The following TRPM6 variants were observed in gnomAD, a reference collection of about 807,000 sequenced individuals.
TRPM6 encodes the protein transient receptor potential cation channel subfamily M member 6.
TRPM6 carries 111 observed loss-of-function variants against 247.6 expected under a neutral mutation model. The ratio of observed to expected loss-of-function variants is 0.45; its 90% confidence interval spans 0.38 to 0.52. The LOEUF is 0.52. TRPM6 is among the 20% of genes least tolerant of loss of function. TRPM6 has a pLI of 0.00. For missense variants in TRPM6, 2,126 were observed against 2,421.5 expected, an observed-to-expected ratio of 0.88 and a Z score of 2.56; for synonymous variants, 892 against 853.8, an observed-to-expected ratio of 1.04 and a Z score of -0.78.
chr9:74,748,536 A>T (rs1176200852), intron 30 of TRPM6, among the ~76,000 whole-genome samples: 1 of 152,146 alleles, frequency 6.6e-6, no homozygotes, highest in Non-Finnish European at 1.5e-5. Flanking sequence ...GATATTGATG[A>T]TCCTGATCCT....
chr9:74,738,390 C>A lies in TRPM6; in HGVS notation c.5776+17G>T. ...TTGCCTCATGCTTGTTGTATCAAAT[C>A]CTACATCATCAATCACCTTGCAAAT... On this transcript the variant is annotated intron_variant, in intron 36 of 38. Coordinates refer to ENST00000360774, the MANE Select transcript of TRPM6 (RefSeq NM_017662.5). The A allele has an allele frequency of 6.2e-7, 1 of 1,613,014 alleles. No individual in the cohort carries two copies. The highest frequency in any genetic ancestry group is 8.5e-7 in the Non-Finnish European group (1 of 1,179,604).
At chr9:74,727,736 A>G (rs955330243) in intron 38 of TRPM6, among the ~76,000 whole-genome samples, 3 of 152,166 alleles carry the variant, frequency 2.0e-5, no homozygotes, top group Admixed American at 6.5e-5. Context: ...ATCAGATTTA[A>G]AAAAATATAT....
Position 74,827,910 on chromosome 9 carries a change from T to C in TRPM6, c.709A>G (p.Lys237Glu). The C allele has an allele frequency of 1.9e-6, 3 of 1,614,060 alleles. No individual in the cohort carries two copies. The highest frequency in any genetic ancestry group is 2.5e-6 in the Non-Finnish European group (3 of 1,180,012). Reference sequence around the variant, plus strand: ...TGCATGCTGTTGAGTGTTGTGAGCTTGCTGAGGGGGTTATCCAGAGTCTGG... The same window carrying C: ...TGCATGCTGTTGAGTGTTGTGAGCTCGCTGAGGGGGTTATCCAGAGTCTGG... Reference protein sequence around the residue: ...LYQTLDNPLSKLTTLNSMHSH... With the variant: ...LYQTLDNPLSELTTLNSMHSH... The change falls in exon 7 of 39, where the codon AAG becomes GAG. Residue 237 changes from lysine (K) to glutamate (E), a missense_variant. Lys to Glu is a moderately conservative substitution (Grantham distance 56). Around this residue, in one of 3 missense-constraint regions of TRPM6, gnomAD observed 1,082 missense variants for 1,307.9 expected, o/e 0.83. Coordinates refer to ENST00000360774, the MANE Select transcript of TRPM6 (RefSeq NM_017662.5).
At chr9:74,755,318 G>A (rs1267142082) in intron 28 of TRPM6, 35 bp downstream of exon 28, 5 of 1,612,828 alleles carry the variant, frequency 3.1e-6, no homozygotes, top group Non-Finnish European at 4.2e-6. Flanking sequence ...ACCCCACCAG[G>A]GTTTTTGGGA....
intron 1 of TRPM6, among the ~76,000 whole-genome samples, chr9:74,877,268 C>T (rs1349461618): frequency 4.6e-5 from 7 of 152,150 alleles, no homozygotes; most frequent in African/African-American, 1.7e-4. Context: ...AACTTGTATA[C>T]AAATGTTCAT....
intron 1 of TRPM6, among the ~76,000 whole-genome samples, chr9:74,865,733 GTC>G (rs1816031947): frequency 6.6e-6 from 1 of 152,100 alleles, no homozygotes; most frequent in South Asian, 2.1e-4. Context: ...CTAAAATAAA[GTC>G]TTTTTTGGAG....
chr9:74,750,841 A>G (rs1284347514), intron 29 of TRPM6, 119 bp from the exon 30 acceptor site: 1 of 903,584 alleles, frequency 1.1e-6, no homozygotes, highest in African/African-American at 1.7e-5. Context: ...ATCTACCTGA[A>G]TATTCTTCTT....
At chr9:74,728,762 A>G (rs1825421121) in intron 37 of TRPM6, among the ~76,000 whole-genome samples, 1 of 152,212 alleles carries the variant, frequency 6.6e-6, no homozygotes, top group Non-Finnish European at 1.5e-5. Context: ...GCCTTCTAAA[A>G]CGATGCATAG....
Position 74,803,888 on chromosome 9 carries a change from T to C in TRPM6, c.1639-2A>G, listed in dbSNP as rs1390231550. ...ATTTCCTGAGGAGTGTCTCTGGTGC[T>C]GGGAAAGGTTTTGAACAAAGCTGGT... On this transcript the variant is annotated splice_acceptor_variant, in intron 14 of 38. Coordinates refer to ENST00000360774, the MANE Select transcript of TRPM6 (RefSeq NM_017662.5). LOFTEE classifies it high-confidence loss of function. 8 of 1,607,948 alleles carry C rather than the reference T, an allele frequency of 5.0e-6. No individual in the cohort carries two copies. Among genetic ancestry groups the C allele is most frequent in the African/African-American group, 1.3e-5 (1 of 74,708 alleles).
intron 36 of TRPM6, chr9:74,737,409 C>A (rs1440195942): frequency 7.8e-7 from 1 of 1,289,808 alleles, no homozygotes; most frequent in South Asian, 1.2e-5. Context: ...ATTCTCCAAC[C>A]TCCAAGCCTG....
chr9:74,728,172 C>T lies in TRPM6; in HGVS notation c.5935+67G>A, dbSNP rs543360142. On this transcript the variant is annotated intron_variant, in intron 38 of 38. Coordinates refer to ENST00000360774, the MANE Select transcript of TRPM6 (RefSeq NM_017662.5). ...TGTGATTACGATTTTCTACTTTATCCCAGGTTACAAAGGATGTTGTTCTAT... is the reference window on the plus strand; with the variant it reads ...TGTGATTACGATTTTCTACTTTATCTCAGGTTACAAAGGATGTTGTTCTAT... The T allele has an allele frequency of 5.1e-6, 6 of 1,178,718 alleles. No individual in the cohort carries two copies. The African/African-American group carries it at 7.5e-5, about 15-fold the overall frequency. 73.0% of individuals were successfully genotyped at this position (1,178,718 alleles called of 1,614,324 possible).
At chr9:74,818,406 G>A (rs894273249) in intron 9 of TRPM6, among the ~76,000 whole-genome samples, 85 of 146,192 alleles carry the variant, frequency 5.8e-4, no homozygotes, top group African/African-American at 2.2e-3. Flanking sequence ...GGGTTCAAGC[G>A]ATTCTCCTGC....
intron 1 of TRPM6, among the ~76,000 whole-genome samples, chr9:74,879,189 T>C (rs1248242698): frequency 6.6e-6 from 1 of 151,566 alleles, no homozygotes; most frequent in Non-Finnish European, 1.5e-5. Flanking sequence ...ATACAAAATA[T>C]ATTAGAAAGC....
At chr9:74,822,885 A>C (rs1433738052) in intron 7 of TRPM6, among the ~76,000 whole-genome samples, 1 of 152,112 alleles carries the variant, frequency 6.6e-6, no homozygotes, top group Non-Finnish European at 1.5e-5. Context: ...ATATATGCAC[A>C]TACCTGTATG....
chr9:74,768,900 A>G (rs1564005230), intron 25 of TRPM6, among the ~76,000 whole-genome samples: 1 of 152,158 alleles, frequency 6.6e-6, no homozygotes, highest in Non-Finnish European at 1.5e-5. Flanking sequence ...ATCCCAGTTC[A>G]TAATCTTGGG....
chr9:74,825,448 CTCTT>C (rs1829298948), intron 7 of TRPM6, among the ~76,000 whole-genome samples: 1 of 137,026 alleles, frequency 7.3e-6, no homozygotes, highest in Non-Finnish European at 1.6e-5. Context: ...GGCATGTCTT[CTCTT>C]TCTTCCGTGT....
At chr9:74,836,637 T>G (rs1280931553) in intron 5 of TRPM6, among the ~76,000 whole-genome samples, 1 of 152,218 alleles carries the variant, frequency 6.6e-6, no homozygotes, top group Non-Finnish European at 1.5e-5. Context: ...AATTTGACCA[T>G]GTTATTCCCC....
chr9:74,738,314 G>T, intron 36 of TRPM6, 93 bp downstream of exon 36: 1 of 1,321,992 alleles, frequency 7.6e-7, no homozygotes, highest in Non-Finnish European at 1.1e-6. Flanking sequence ...AAGCTAAATA[G>T]AGCAACTCCA....
chr9:74,804,497 C>A, intron 14 of TRPM6: 1 of 694,010 alleles, frequency 1.4e-6, no homozygotes, highest in Admixed American at 2.0e-5. Flanking sequence ...TCTATTTCTA[C>A]AGAGATCCTG....
Sources: allele counts gnomAD v4.1 joint callset (sites outside exome capture counted in the v4.1 genomes callset), GRCh38; gene constraint gnomAD v4.1.1; regional missense constraint gnomAD v4.1.1; transcripts MANE v1.5; gene names NCBI Gene and HGNC (gene_info 2026-07-23, HGNC 2026-07-21).